The following RBFOX1 variants were observed in gnomAD, a reference collection of about 807,000 sequenced individuals.
The protein encoded by RBFOX1 is RNA binding fox-1 homolog 1, also known as RNA binding protein fox-1 homolog 1.
Under a neutral mutation model 57.7 loss-of-function variants are expected in RBFOX1, and 8 were observed. The ratio of observed to expected loss-of-function variants is 0.14; its 90% CI spans 0.08 to 0.25. The LOEUF (loss-of-function observed/expected upper bound fraction) is 0.25. Among genes scored for constraint, RBFOX1 ranks in the 10% least tolerant of loss-of-function variants. The probability of loss-of-function intolerance (pLI) is 1.00; values close to 1 mark genes in which losing one functional copy is unlikely to be tolerated. For synonymous variants in RBFOX1, 326 were observed against 222.4 expected (o/e 1.47, Z -4.15); for missense variants, 611 against 548.5 (o/e 1.11, Z -1.14).
At chr16:7,668,486 G>A (rs1173983261) in intron 13 of RBFOX1, among the ~76,000 whole-genome samples, 1 of 152,152 alleles carries the variant, frequency 6.6e-6, no homozygotes, top group East Asian at 1.9e-4. Context: ...CAAAGACAAA[G>A]CCTTCAATCC....
intron 2 of RBFOX1, chr16:6,483,220 G>A: frequency 8.2e-7 from 1 of 1,221,176 alleles, no homozygotes; most frequent in African/African-American, 1.6e-5. Flanking sequence ...GGGGAAGCCG[G>A]ACCCGGGCCC....
intron 1 of RBFOX1, among the ~76,000 whole-genome samples, chr16:6,205,570 A>G (rs1340303492): frequency 2.0e-5 from 3 of 152,154 alleles, no homozygotes; most frequent in Admixed American, 6.5e-5. Context: ...GTTCCCCTGA[A>G]TTAAATAGCA....
At chr16:6,233,709 AG>A (rs1490939602) in intron 1 of RBFOX1, among the ~76,000 whole-genome samples, 2 of 152,026 alleles carry the variant, frequency 1.3e-5, no homozygotes, top group Admixed American at 6.6e-5. Flanking sequence ...CCTGGCCTCA[AG>A]TGATCCTCCT....
intron 2 of RBFOX1, among the ~76,000 whole-genome samples, chr16:6,367,343 TC>T (rs1273548361): frequency 9.2e-5 from 14 of 152,294 alleles, no homozygotes; most frequent in Admixed American, 7.2e-4. Flanking sequence ...TGATCTTGGC[TC>T]ACTGCAACCT....
rs113525741 is a variant in RBFOX1 at position 6,400,117 on chromosome 16, A to G, written c.-64+83060A>G. Among the ~76,000 whole-genome samples, 644 of 152,310 alleles carry G rather than the reference A, an allele frequency of 4.2e-3. 3 individuals carry two copies. The highest frequency in any genetic ancestry group is 9.1e-3 in the Admixed American group (139 of 15,296). On this transcript the variant is annotated intron_variant, in intron 2 of 15. Transcript: ENST00000550418. The stretch of plus-strand genomic sequence containing the variant: ...ACTATCTACCAACTTGACCTATGAC[A>G]TTTATAGAATAATGTATCCAACAAC...
intron 3 of RBFOX1, among the ~76,000 whole-genome samples, chr16:6,862,025 A>G (rs8059408): frequency 0.012 from 1,831 of 152,168 alleles, 15 homozygotes; most frequent in Non-Finnish European, 0.02. Context: ...GACAAACTCG[A>G]TAAGCTCCAG....
intron 2 of RBFOX1, among the ~76,000 whole-genome samples, chr16:6,427,088 C>G (rs1326139683): frequency 2.0e-5 from 3 of 152,132 alleles, no homozygotes; most frequent in Non-Finnish European, 4.4e-5. Context: ...GGTTGATATG[C>G]TGTAGAGTGA....
chr16:6,882,934 T>A (rs888671531), intron 3 of RBFOX1, among the ~76,000 whole-genome samples: 5 of 152,188 alleles, frequency 3.3e-5, no homozygotes, highest in African/African-American at 1.2e-4. Flanking sequence ...CAGGATGTCT[T>A]AGGCGGCTTC....
At chr16:5,248,910 C>G (rs368882216) in intron 1 of RBFOX1, among the ~76,000 whole-genome samples, 1 of 146,244 alleles carries the variant, frequency 6.8e-6, no homozygotes, top group Admixed American at 7.1e-5. Context: ...ATTGCTTGAA[C>G]CCGGGAGGTG....
At chr16:7,399,738 T>A (rs1226816732) in intron 4 of RBFOX1, among the ~76,000 whole-genome samples, 2 of 56,432 alleles carry the variant, frequency 3.5e-5, no homozygotes, top group African/African-American at 5.5e-5. Flanking sequence ...CATATCAAGA[T>A]CTTTTAACTT....
chr16:7,308,047 G>A (rs949021352), intron 4 of RBFOX1, among the ~76,000 whole-genome samples: 1 of 152,162 alleles, frequency 6.6e-6, no homozygotes, highest in Non-Finnish European at 1.5e-5. Context: ...ACATTAGGGG[G>A]TTTGCAGCAA....
chr16:6,467,981 C>T (rs1403362865), intron 2 of RBFOX1, among the ~76,000 whole-genome samples: 1 of 152,150 alleles, frequency 6.6e-6, no homozygotes, highest in African/African-American at 2.4e-5. Flanking sequence ...TAATGGTCAT[C>T]TTAGCACCAG....
chr16:7,408,234 A>G (rs2149004485), intron 4 of RBFOX1, among the ~76,000 whole-genome samples: 1 of 152,320 alleles, frequency 6.6e-6, no homozygotes, highest in Non-Finnish European at 1.5e-5. Context: ...ACTGACACTC[A>G]AATCATTTAG....
chr16:7,612,386 T>C (rs909795080), intron 10 of RBFOX1, among the ~76,000 whole-genome samples: 3 of 145,176 alleles, frequency 2.1e-5, no homozygotes, highest in Admixed American at 2.1e-4. Context: ...CAAATCCAGG[T>C]GAGTCATGAA....
intron 2 of RBFOX1, among the ~76,000 whole-genome samples, chr16:6,463,871 G>A (rs565184414): frequency 2.0e-5 from 3 of 152,064 alleles, no homozygotes; most frequent in East Asian, 1.9e-4. Flanking sequence ...TAGCTCTCGC[G>A]CCCACCATGA....
chr16:7,246,641 T>G (rs2152996537), intron 4 of RBFOX1, among the ~76,000 whole-genome samples: 1 of 150,116 alleles, frequency 6.7e-6, no homozygotes, highest in African/African-American at 2.5e-5. Flanking sequence ...TCCTTTTTTT[T>G]TTTTTTTTTT....
At position 7,572,299 on chromosome 16, in the gene RBFOX1, A is replaced by G. The variant is rs547196872; in HGVS notation, c.271-7478A>G. ...TATATGCAAATGGAGATCCAGAGAC[A>G]TGAAGTGAGCAGACTTGCAGGTCGC... is the stretch of plus-strand genomic sequence containing the variant. On this transcript the variant is annotated intron_variant, in intron 5 of 15. Coordinates refer to ENST00000550418, the MANE Select transcript of RBFOX1 (RefSeq NM_018723.4). Among the ~76,000 whole-genome samples the G allele has an allele frequency of 3.9e-5, 6 of 152,204 alleles. No individual in the cohort carries two copies. The South Asian group carries it at 1.2e-3, about 32-fold the overall frequency.
chr16:6,963,491 A>G (rs1004406753), intron 3 of RBFOX1, among the ~76,000 whole-genome samples: 2 of 152,126 alleles, frequency 1.3e-5, no homozygotes, highest in East Asian at 3.9e-4. Context: ...AATGAGATAC[A>G]TGTTAGAGGA....
intron 4 of RBFOX1, among the ~76,000 whole-genome samples, chr16:7,129,710 C>A (rs1324813872): frequency 6.6e-6 from 1 of 151,868 alleles, no homozygotes; most frequent in African/African-American, 2.4e-5. Flanking sequence ...TGCCTGGGAG[C>A]CCCCAAATCG....
Sources: gnomAD v4.1 joint callset for allele counts (sites outside exome capture counted in the v4.1 genomes callset) on GRCh38, gnomAD v4.1.1 for gene constraint, MANE v1.5 for transcripts, NCBI Gene and HGNC (gene_info 2026-07-23, HGNC 2026-07-21) for gene names.